Variants in TASP1 observed in about 807,000 individuals in gnomAD.
The protein encoded by TASP1 is taspase 1, also known as threonine aspartase 1.
In TASP1, 16 loss-of-function variants were observed where a neutral mutation model predicts 56.6. The observed-to-expected ratio is 0.28, with a 90% CI of 0.19 to 0.43. The LOEUF is 0.43. Among genes scored for constraint, TASP1 ranks in the 20% least tolerant of loss-of-function variants. TASP1 has a pLI of 1.00. For synonymous variants in TASP1, 179 were observed against 184.2 expected, an observed-to-expected ratio of 0.97 and a Z score of 0.23; for missense variants, 393 against 511.6, an observed-to-expected ratio of 0.77 and a Z score of 2.24.
chr20:13,192,472 C>T, the TASP1 span, among the ~76,000 whole-genome samples: 396 of 152,188 alleles, frequency 2.6e-3, 14 homozygotes, highest in East Asian at 0.073. Context: ...CCCAAGTGAT[C>T]AAGGCTGCAG....
chr20:13,366,566 A>T, the TASP1 span, among the ~76,000 whole-genome samples: 1 of 152,274 alleles, frequency 6.6e-6, no homozygotes, highest in African/African-American at 2.4e-5. Flanking sequence ...ATTTATTGTG[A>T]TTAAGTCTTT....
the TASP1 span, among the ~76,000 whole-genome samples, chr20:13,379,338 T>C: frequency 1.3e-5 from 2 of 152,194 alleles, no homozygotes; most frequent in Admixed American, 6.5e-5. Flanking sequence ...TTATGAAGCT[T>C]AGTTTGGCTG....
At chr20:13,261,425 CAAAAAAAA>C in the TASP1 span, among the ~76,000 whole-genome samples, 14 of 105,248 alleles carry the variant, frequency 1.3e-4, 1 homozygote, top group South Asian at 2.4e-3. Context: ...AACTCTGTCT[CAAAAAAAA>C]AAAAAAGAAA....
intron 13 of TASP1, among the ~76,000 whole-genome samples, chr20:13,402,041 C>A (rs963137291): frequency 1.3e-5 from 2 of 152,098 alleles, no homozygotes; most frequent in African/African-American, 4.8e-5. Context: ...CATGGAGGGT[C>A]TACAAGTCAA....
chr20:13,484,806 A>C (rs181120426), intron 10 of TASP1, among the ~76,000 whole-genome samples: 2 of 152,032 alleles, frequency 1.3e-5, no homozygotes, highest in Non-Finnish European at 2.9e-5. Context: ...AGCCATAAAA[A>C]CGGATGAGTT....
chr20:13,123,784 C>T, the TASP1 span, among the ~76,000 whole-genome samples: 1 of 152,194 alleles, frequency 6.6e-6, no homozygotes, highest in Non-Finnish European at 1.5e-5. Flanking sequence ...GGCCAGATCA[C>T]ACCCTTGAAA....
intron 2 of TASP1, among the ~76,000 whole-genome samples, chr20:13,628,338 C>T (rs183466887): frequency 4.9e-4 from 74 of 152,320 alleles, no homozygotes; most frequent in African/African-American, 1.8e-3. Context: ...AATACGGTAA[C>T]TCACTGGTAT....
At chr20:13,107,144 G>A in the TASP1 span, among the ~76,000 whole-genome samples, 2 of 152,172 alleles carry the variant, frequency 1.3e-5, no homozygotes, top group African/African-American at 4.8e-5. Flanking sequence ...CAGGGATACT[G>A]AGCATACAAA....
chr20:13,420,269 C>T (rs1474957), intron 12 of TASP1, among the ~76,000 whole-genome samples: 94,036 of 152,058 alleles, frequency 0.62, 29,723 homozygotes, highest in Non-Finnish European at 0.69. Context: ...GGAATAAACA[C>T]AAAAATTTAG....
chr20:13,580,053 T>A (rs569018484), intron 6 of TASP1, among the ~76,000 whole-genome samples: 14 of 152,340 alleles, frequency 9.2e-5, no homozygotes, highest in Middle Eastern at 3.4e-3. Context: ...AGTTTTAATA[T>A]TGTTAGGCAT....
At chr20:13,439,308 A>C (rs904901663) in intron 11 of TASP1, among the ~76,000 whole-genome samples, 1 of 152,224 alleles carries the variant, frequency 6.6e-6, no homozygotes, top group African/African-American at 2.4e-5. Context: ...CATATACACC[A>C]TGGAATACTA....
intron 4 of TASP1, among the ~76,000 whole-genome samples, chr20:13,612,491 AACACACACACACAC>A (rs34343791): frequency 1.8e-4 from 26 of 144,100 alleles, no homozygotes; most frequent in African/African-American, 6.1e-4. Context: ...ATTTGTAGCA[AACACACACACACAC>A]ACACACACAC....
the TASP1 span, among the ~76,000 whole-genome samples, chr20:13,313,255 G>A: frequency 2.6e-5 from 4 of 152,238 alleles, no homozygotes; most frequent in South Asian, 2.1e-4. Context: ...CCCCCCACAC[G>A]CACCTGTTAA....
chr20:13,175,641 A>C, the TASP1 span, among the ~76,000 whole-genome samples: 1 of 152,242 alleles, frequency 6.6e-6, no homozygotes, highest in Non-Finnish European at 1.5e-5. Context: ...GCCTGACCTC[A>C]CGAGTTTGGC....
rs545118525 is a variant in TASP1, at chr20:13,541,319, A to C, written c.676-7178T>G. On this transcript the variant is annotated intron_variant, in intron 8 of 13. Coordinates refer to ENST00000337743, the MANE Select transcript of TASP1 (RefSeq NM_017714.3). ...TGGTATAATATCCTCAAAGAAAAGC[A>C]ACTATAAACTTACAAATGGTATTCA... Among the ~76,000 whole-genome samples the C allele has an allele frequency of 2.6e-5, 4 of 152,312 alleles. No homozygotes were observed. The South Asian group carries it at 6.2e-4, about 24-fold the overall frequency.
At chr20:13,193,835 C>T in the TASP1 span, among the ~76,000 whole-genome samples, 1 of 152,190 alleles carries the variant, frequency 6.6e-6, no homozygotes, top group Non-Finnish European at 1.5e-5. Context: ...AGGAAAGCGG[C>T]ATGCTAATAG....
chr20:13,562,014 T>G (rs1452777033), intron 7 of TASP1, among the ~76,000 whole-genome samples: 1 of 152,192 alleles, frequency 6.6e-6, no homozygotes, highest in Non-Finnish European at 1.5e-5. Context: ...ACTTGGGACA[T>G]TTTTCCAAAA....
chr20:13,362,815 A>ATATG, the TASP1 span, among the ~76,000 whole-genome samples: 1 of 68,188 alleles, frequency 1.5e-5, no homozygotes, highest in Non-Finnish European at 2.6e-5. Flanking sequence ...AGAAATATAT[A>ATATG]TATATATATA....
the TASP1 span, among the ~76,000 whole-genome samples, chr20:13,318,793 T>C: frequency 6.6e-6 from 1 of 152,190 alleles, no homozygotes; most frequent in Non-Finnish European, 1.5e-5. Context: ...ACCTACACTA[T>C]GATTCCAACT....
Sources: allele counts gnomAD v4.1 joint callset (sites outside exome capture counted in the v4.1 genomes callset), GRCh38; gene constraint gnomAD v4.1.1; transcripts MANE v1.5; gene names NCBI Gene and HGNC (gene_info 2026-07-23, HGNC 2026-07-21).